The following KIAA0319L variants were observed in gnomAD, a reference collection of about 807,000 sequenced individuals.
KIAA0319L encodes dyslexia-associated protein KIAA0319-like protein.
Under a neutral mutation model 120.1 loss-of-function variants are expected in KIAA0319L, and 55 were observed. The ratio of observed to expected loss-of-function variants is 0.46; its 90% CI spans 0.37 to 0.57. The LOEUF is 0.57. Ranked by LOEUF, KIAA0319L falls within the 20% of genes least tolerant of loss-of-function variation. The pLI, the probability that KIAA0319L is intolerant of heterozygous loss-of-function variation, is 0.00. For synonymous variants in KIAA0319L, 398 were observed against 471.9 expected, an observed-to-expected ratio of 0.84 and a Z score of 2.03; for missense variants, 1,049 against 1,255.3, an observed-to-expected ratio of 0.84 and a Z score of 2.48.
At chr1:35,490,185 C>T (rs559889658) in intron 3 of KIAA0319L, among the ~76,000 whole-genome samples, 13 of 152,270 alleles carry the variant, frequency 8.5e-5, no homozygotes, top group African/African-American at 2.9e-4. Flanking sequence ...CAAGTTTAGA[C>T]GGCTAAGAAA....
At position 35,450,429 on chromosome 1, in the gene KIAA0319L, A is replaced by G; in HGVS notation, c.2143T>C (p.Ser715Pro). Residue 715 changes from serine (S) to proline (P), a missense_variant, in exon 14 of 21, where the codon TCT becomes CCT. Transcript: ENST00000325722. Reference protein sequence around the residue: ...LPTSTAELDGSKSSDDKGIVS... With the variant: ...LPTSTAELDGPKSSDDKGIVS... ...ATTCCCTTGTCATCTGAGGACTTAG[A>G]GCCATCCAGCTCTGCTGTGCTCGTG... 6.2e-7 allele frequency: 1 copy of G among 1,614,080 alleles called. No individual in the cohort carries two copies. The highest frequency in any genetic ancestry group is 8.5e-7 in the Non-Finnish European group (1 of 1,179,970).
Position 35,442,258 on chromosome 1 carries a change from C to T in KIAA0319L, c.2858G>A (p.Cys953Tyr). 6.2e-7 allele frequency: 1 copy of T among 1,612,152 alleles called. No individual in the cohort carries two copies. Among genetic ancestry groups the T allele is most frequent in the Non-Finnish European group, 8.5e-7 (1 of 1,178,172 alleles). The change falls in exon 19 of 21, where the codon TGT becomes TAT. Residue 953 changes from cysteine to tyrosine, a missense_variant. Physicochemically the swap from Cys to Tyr is radical, Grantham distance 194. Transcript: ENST00000325722. ...ALGILSWTVI[C>Y]CCKRQKGKPK... is the part of the protein sequence containing the mutation. ...AAATCCATCTTACCTCTTACAACAA[C>T]AGATCACAGTCCAAGACAGGATTCC...
chr1:35,513,084 A>G (rs1193017590), intron 2 of KIAA0319L, among the ~76,000 whole-genome samples: 1 of 151,142 alleles, frequency 6.6e-6, no homozygotes. Flanking sequence ...TTAACAGCCC[A>G]CAAAGCCTAA....
At chr1:35,536,288 C>G (rs957417601) in intron 2 of KIAA0319L, among the ~76,000 whole-genome samples, 2 of 152,204 alleles carry the variant, frequency 1.3e-5, no homozygotes, top group Non-Finnish European at 2.9e-5. Context: ...TGTCTAAACT[C>G]TAAACTAGAA....
intron 9 of KIAA0319L, 46 bp downstream of exon 9, chr1:35,460,259 G>GA (rs759162790): frequency 4.8e-5 from 73 of 1,534,070 alleles, no homozygotes; most frequent in South Asian, 7.0e-5. Flanking sequence ...CCCACGAGAG[G>GA]CAAAAAAATG....
intron 2 of KIAA0319L, among the ~76,000 whole-genome samples, chr1:35,546,466 G>A (rs912737256): frequency 6.6e-6 from 1 of 152,220 alleles, no homozygotes; most frequent in Non-Finnish European, 1.5e-5. Context: ...GAACTCAGAA[G>A]AGGATGAAGG....
intron 3 of KIAA0319L, among the ~76,000 whole-genome samples, chr1:35,498,609 CAAGT>C (rs1374801717): frequency 6.6e-6 from 1 of 152,146 alleles, no homozygotes; most frequent in Non-Finnish European, 1.5e-5. Context: ...CTCTCCAAAT[CAAGT>C]AAGCCAGGCC....
At position 35,437,370 on chromosome 1, in the gene KIAA0319L, C is replaced by A. The variant is rs1215159022; in HGVS notation, c.2963-2289G>T. 6.6e-6 allele frequency among the ~76,000 whole-genome samples: 1 copy of A among 152,198 alleles called. No homozygotes were observed. The highest frequency in any genetic ancestry group is 1.5e-5 in the Non-Finnish European group (1 of 68,024). On this transcript the variant is annotated intron_variant, in intron 20 of 20. Transcript: ENST00000325722. This position sits in a 1 kb window ranked among gnomAD's most constrained non-coding sequence, Gnocchi z 4.1. ...AGTCAGGAAGCACCTCTCCAACGCA[C>A]CACTCCTCTACCTGCATTCGACATT...
intron 2 of KIAA0319L, among the ~76,000 whole-genome samples, chr1:35,534,813 C>T (rs1305072588): frequency 6.6e-5 from 9 of 135,526 alleles, no homozygotes; most frequent in African/African-American, 2.2e-4. Flanking sequence ...GAGACGAGAT[C>T]GGGCCACTAC....
At chr1:35,539,410 C>T (rs979154031) in intron 2 of KIAA0319L, among the ~76,000 whole-genome samples, 1 of 152,128 alleles carries the variant, frequency 6.6e-6, no homozygotes, top group Non-Finnish European at 1.5e-5. Context: ...TCACAGAAGG[C>T]GTAATAGGAA....
At chr1:35,487,751 T>G (rs1455957982) in intron 3 of KIAA0319L, among the ~76,000 whole-genome samples, 1 of 152,248 alleles carries the variant, frequency 6.6e-6, no homozygotes, top group Non-Finnish European at 1.5e-5. Flanking sequence ...GGTTGGAGAA[T>G]GCATTCAATT....
At chr1:35,557,652 A>T, upstream of KIAA0319L, 1 of 456,910 alleles carries the variant, frequency 2.2e-6, no homozygotes, top group South Asian at 1.5e-5. Context: ...CTCGGGCAAT[A>T]CCCACAAGCA....
chr1:35,444,399 TGTGC>T, intron 16 of KIAA0319L, 96 bp from the exon 17 acceptor site: 2 of 1,205,830 alleles, frequency 1.7e-6, no homozygotes, highest in Non-Finnish European at 2.3e-6. Context: ...TGACAGACAC[TGTGC>T]TAAGTGTTAC....
intron 1 of KIAA0319L, chr1:35,556,828 C>T (rs941200812): frequency 6.6e-6 from 1 of 152,198 alleles, no homozygotes; most frequent in South Asian, 2.1e-4. Context: ...CGTGCTCAAC[C>T]CCATCCCCTC....
In KIAA0319L at chr1:35,434,587, T is replaced by A; in HGVS notation, c.*307A>T. ...ACAATGACACTGTCCACTGGGGAGC[T>A]GCAGAGCTTAGCAGCTGGCTGGGTC... On this transcript the variant is annotated 3_prime_UTR_variant, in exon 21 of 21. Coordinates refer to ENST00000325722, the MANE Select transcript of KIAA0319L (RefSeq NM_024874.5). 2.8e-6 allele frequency: 1 copy of A among 356,432 alleles called. No individual in the cohort carries two copies. The highest frequency in any genetic ancestry group is 3.9e-5 in the South Asian group (1 of 25,448). 22.1% of individuals were successfully genotyped at this position (356,432 alleles called of 1,614,324 possible).
chr1:35,454,890 T>C (rs182554558), intron 10 of KIAA0319L, among the ~76,000 whole-genome samples: 20 of 152,342 alleles, frequency 1.3e-4, no homozygotes, highest in Admixed American at 1.2e-3. Flanking sequence ...ACAGTGCTCC[T>C]AACAAAGCTG....
chr1:35,442,361 G>A (rs1459789779), intron 18 of KIAA0319L, 25 bp from the exon 19 acceptor site: 3 of 1,566,028 alleles, frequency 1.9e-6, no homozygotes, highest in East Asian at 2.2e-5. Context: ...AAAATGGTGA[G>A]GGCTGTGGAG....
chr1:35,477,527 C>T (rs375123890), intron 4 of KIAA0319L, among the ~76,000 whole-genome samples: 18 of 151,858 alleles, frequency 1.2e-4, no homozygotes, highest in African/African-American at 3.6e-4. Flanking sequence ...ATTAGCTGGG[C>T]GTGGTGGTGG....
Position 35,483,204 on chromosome 1 carries a change from T to G in KIAA0319L, c.667-3992A>C, listed in dbSNP as rs191823268. 1.3e-3 allele frequency among the ~76,000 whole-genome samples: 196 copies of G among 152,344 alleles called. 1 individual carries two copies. Among genetic ancestry groups the G allele is most frequent in the African/African-American group, 4.6e-3 (192 of 41,586 alleles). On this transcript the variant is annotated intron_variant, in intron 3 of 20. Coordinates refer to ENST00000325722, the MANE Select transcript of KIAA0319L (RefSeq NM_024874.5). ...TCAGTCTGTATCTTCCTTTTTCGTT[T>G]TGTTAGTGTTAGCTTTTCATTAACA...
Sources: allele counts gnomAD v4.1 joint callset (sites outside exome capture counted in the v4.1 genomes callset), GRCh38; gene constraint gnomAD v4.1.1; non-coding constraint Gnocchi (gnomAD v3.1); transcripts MANE v1.5; gene names NCBI Gene and HGNC (gene_info 2026-07-23, HGNC 2026-07-21).